The following RAMAC variants were observed in gnomAD, a reference collection of about 807,000 sequenced individuals.
RAMAC encodes RNA guanine-N7 methyltransferase activating subunit.
RAMAC carries 11 observed loss-of-function variants against 17.9 expected under a neutral mutation model. That is an observed-to-expected ratio of 0.61 (90% CI 0.39 to 1.02). RAMAC has a LOEUF of 1.02. RAMAC is among the 50% of genes least tolerant of loss of function. The pLI is 0.01. For missense variants in RAMAC, 109 were observed against 144.0 expected (o/e 0.76, Z 1.25); for synonymous variants, 27 against 48.4 (o/e 0.56, Z 1.84).
Position 82,990,071 on chromosome 15 carries a change from A to G in RAMAC, c.*4A>G, listed in dbSNP as rs1405270945. 1 of 1,322,688 alleles carries G rather than the reference A, an allele frequency of 7.6e-7. No individual in the cohort carries two copies. Among genetic ancestry groups the G allele is most frequent in the East Asian group, 2.4e-5 (1 of 41,426 alleles). 81.9% of individuals were successfully genotyped at this position (1,322,688 alleles called of 1,614,324 possible). On this transcript the variant is annotated 3_prime_UTR_variant, in exon 4 of 4. Transcript: ENST00000304191. ...GCCTCCTTACGGTTACTACTGATAG[A>G]AATGTTGGCAGCTTTTAGTAAAAGC...
At chr15:82,989,354 T>C (rs2030759910) in intron 3 of RAMAC, among the ~76,000 whole-genome samples, 166 bp downstream of exon 3, 1 of 152,258 alleles carries the variant, frequency 6.6e-6, no homozygotes, top group Admixed American at 6.5e-5. Flanking sequence ...TTTGCTTTAA[T>C]ATTTTTTCAG....
At chr15:82,989,702 A>G (rs2030777003) in intron 3 of RAMAC, among the ~76,000 whole-genome samples, 179 bp from the exon 4 acceptor site, 1 of 152,252 alleles carries the variant, frequency 6.6e-6, no homozygotes, top group Non-Finnish European at 1.5e-5. Context: ...TACTGGAAGA[A>G]TGATTTCAAT....
In RAMAC at chr15:82,990,687, T is replaced by C; in HGVS notation, c.*620T>C. ...AATAAGGAAGGAATCATTGTCAGTT[T>C]GTGTCTTGATCTGGTGGTGGTTGGG... is the stretch of plus-strand genomic sequence containing the variant. On this transcript the variant is annotated 3_prime_UTR_variant, in exon 4 of 4. Transcript: ENST00000304191. 6.6e-7 allele frequency: 1 copy of C among 1,508,566 alleles called. No homozygotes were observed. Among genetic ancestry groups the C allele is most frequent in the Non-Finnish European group, 9.0e-7 (1 of 1,108,108 alleles). The allele number at this position is 1,508,566 out of a possible 1,614,324, so 93.4% of individuals were successfully genotyped here.
rs375351356 is a variant in RAMAC, at chr15:82,989,177, C to T, written c.159C>T (p.Asn53=). The change falls in exon 3 of 4, where the codon AAC becomes AAT. Residue 53 remains asparagine (N), a synonymous_variant. Coordinates refer to ENST00000304191, the MANE Select transcript of RAMAC (RefSeq NM_031452.4). ...WNSRAGGNQR[N]RGNRLQDNRQ... is the part of the protein sequence containing the mutation. ...GCAGAGCTGGTGGGAACCAAAGAAACAGAGGCAATCGGTGTGTATTCAAAA... is the reference window on the plus strand; with the variant it reads ...GCAGAGCTGGTGGGAACCAAAGAAATAGAGGCAATCGGTGTGTATTCAAAA... 9 of 1,612,396 alleles carry T rather than the reference C, an allele frequency of 5.6e-6. No individual in the cohort carries two copies. The African/African-American group carries it at 1.2e-4, about 22-fold the overall frequency.
intron 2 of RAMAC, 176 bp from the exon 3 acceptor site, chr15:82,988,834 T>TAA: frequency 1.8e-6 from 1 of 554,116 alleles, no homozygotes; most frequent in South Asian, 2.2e-5. Flanking sequence ...AGACCCTGTC[T>TAA]CAAAAAAAAA....
intron 1 of RAMAC, among the ~76,000 whole-genome samples, chr15:82,987,043 G>A (rs1463806498): frequency 6.6e-6 from 1 of 151,756 alleles, no homozygotes; most frequent in Non-Finnish European, 1.5e-5. Flanking sequence ...TCAGCCTCCC[G>A]AGTAGCTGGG....
intron 2 of RAMAC, chr15:82,988,786 G>A (rs2030735001): frequency 8.1e-6 from 4 of 492,572 alleles, no homozygotes; most frequent in Non-Finnish European, 1.5e-5. Context: ...GTGACCCGAG[G>A]TTGTGCCGCT....
rs61738562 is a variant in RAMAC, at chr15:82,989,048, G to T, written c.30G>T (p.Lys10Asn). The change falls in exon 3 of 4, where the codon AAG becomes AAT. Residue 10 changes from lysine (K) to asparagine (N), a missense_variant. By Grantham distance (94) the Lys-to-Asn change is moderately conservative. Transcript: ENST00000304191. ...CTGACACTGCCGAAGCTGTTCCAAA[G>T]TTTGAAGAGATGTTTGCTAGTAGAT... MTDTAEAVP[K>N]FEEMFASRFT... is the part of the protein sequence containing the mutation. The T allele has an allele frequency of 0.023, 37,026 of 1,612,868 alleles. 867 individuals carry two copies. The highest frequency in any genetic ancestry group is 0.13 in the African/African-American group (9,490 of 74,802).
rs1444337635 is a variant in RAMAC at position 82,991,006 on chromosome 15, A to G, written c.*939A>G. The G allele has an allele frequency of 2.7e-5, 5 of 182,328 alleles. No homozygotes were observed. The East Asian group carries it at 6.7e-4, about 24-fold the overall frequency. The allele number at this position is 182,328 out of a possible 1,614,324, so 11.3% of individuals were successfully genotyped here. A position where few individuals can be genotyped will look rare whatever the true frequency, so the allele number is the denominator to read the frequency against. On this transcript the variant is annotated 3_prime_UTR_variant, in exon 4 of 4. Transcript: ENST00000304191. ...TCAAATCACTTTAATGATTATTACA[A>G]TGATTTCATTCAAATAAAAATTTTA...
rs747046285 is a variant in RAMAC at position 82,990,654 on chromosome 15, A to G, written c.*587A>G. The G allele has an allele frequency of 3.5e-4, 529 of 1,530,510 alleles. 1 individual carries two copies. The highest frequency in any genetic ancestry group is 4.3e-4 in the South Asian group (36 of 83,566). 94.8% of individuals were successfully genotyped at this position (1,530,510 alleles called of 1,614,324 possible). ...CTTTTTAGAGGGAAATCAGTAATAAAGCTGTAAAATAAGGAAGGAATCATT... is the reference window on the plus strand; with the variant it reads ...CTTTTTAGAGGGAAATCAGTAATAAGGCTGTAAAATAAGGAAGGAATCATT... On this transcript the variant is annotated 3_prime_UTR_variant, in exon 4 of 4. Coordinates refer to ENST00000304191, the MANE Select transcript of RAMAC (RefSeq NM_031452.4).
At chr15:82,986,459 C>T (rs1475389951) in intron 1 of RAMAC, 90 bp downstream of exon 1, 2 of 152,286 alleles carry the variant, frequency 1.3e-5, no homozygotes, top group African/African-American at 2.4e-5. Context: ...GTGATCTGTA[C>T]TCTTTGCTAG....
intron 3 of RAMAC, among the ~76,000 whole-genome samples, chr15:82,989,428 G>T (rs549676241): frequency 1.3e-5 from 2 of 152,050 alleles, no homozygotes; most frequent in Non-Finnish European, 2.9e-5. Flanking sequence ...TGTTTTTTCT[G>T]TAGACTAATA....
intron 1 of RAMAC, 68 bp downstream of exon 1, chr15:82,986,437 T>TC (rs1166833464): frequency 2.0e-5 from 3 of 152,352 alleles, no homozygotes; most frequent in Non-Finnish European, 2.9e-5. Context: ...CGAGGTGTCC[T>TC]CCCCCTGTGC....
chr15:82,986,279 G>A lies in RAMAC; in HGVS notation c.-149G>A, dbSNP rs2030602145. The A allele has an allele frequency of 5.8e-6, 1 of 173,382 alleles. No individual in the cohort carries two copies. The highest frequency in any genetic ancestry group is 2.4e-5 in the African/African-American group (1 of 41,848). 10.7% of individuals were successfully genotyped at this position (173,382 alleles called of 1,614,324 possible). ...GAACTGGAGTGGTCTGGAGTTCCAC[G>A]GTGTAGTGGACCAGAGGCCACCTCT... On this transcript the variant is annotated 5_prime_UTR_variant, in exon 1 of 4. Coordinates refer to ENST00000304191, the MANE Select transcript of RAMAC (RefSeq NM_031452.4).
intron 2 of RAMAC, chr15:82,988,708 C>A: frequency 2.2e-6 from 1 of 457,450 alleles, no homozygotes; most frequent in Non-Finnish European, 4.3e-6. Flanking sequence ...GTGGCATGCA[C>A]CTGTAGTTCC....
Position 82,990,603 on chromosome 15 carries a change from G to C in RAMAC, c.*536G>C. On this transcript the variant is annotated 3_prime_UTR_variant, in exon 4 of 4. Transcript: ENST00000304191. ...GTACTTTGTGATTCCTTAATCTATA[G>C]ATGAGTCAGCTCCACACTTGAGTCT... 1 of 1,342,450 alleles carries C rather than the reference G, an allele frequency of 7.4e-7. No individual in the cohort carries two copies. The highest frequency in any genetic ancestry group is 1.0e-6 in the Non-Finnish European group (1 of 966,226). The allele number at this position is 1,342,450 out of a possible 1,614,324, so 83.2% of individuals were successfully genotyped here. A position where few individuals can be genotyped will look rare whatever the true frequency, so the allele number is the denominator to read the frequency against.
chr15:82,990,643 A>G lies in RAMAC; in HGVS notation c.*576A>G. 1 of 1,528,704 alleles carries G rather than the reference A, an allele frequency of 6.5e-7. No individual in the cohort carries two copies. The highest frequency in any genetic ancestry group is 8.9e-7 in the Non-Finnish European group (1 of 1,126,724). The allele number at this position is 1,528,704 out of a possible 1,614,324, so 94.7% of individuals were successfully genotyped here. On this transcript the variant is annotated 3_prime_UTR_variant, in exon 4 of 4. Transcript: ENST00000304191. ...CACTTGAGTCTCTTTTTAGAGGGAA[A>G]TCAGTAATAAAGCTGTAAAATAAGG...
chr15:82,988,892 C>A, intron 2 of RAMAC, 118 bp from the exon 3 acceptor site: 1 of 853,778 alleles, frequency 1.2e-6, no homozygotes, highest in Non-Finnish European at 1.8e-6. Flanking sequence ...TCTGAAAGCA[C>A]ACAAAGACTT....
chr15:82,987,747 T>C (rs924025425), intron 2 of RAMAC, among the ~76,000 whole-genome samples: 1 of 152,224 alleles, frequency 6.6e-6, no homozygotes, highest in Middle Eastern at 3.4e-3. Flanking sequence ...GCCTGAAAGA[T>C]AAGAGTGTCA....
Sources: allele counts gnomAD v4.1 joint callset (sites outside exome capture counted in the v4.1 genomes callset), GRCh38; gene constraint gnomAD v4.1.1; transcripts MANE v1.5; gene names NCBI Gene and HGNC (gene_info 2026-07-23, HGNC 2026-07-21).